The following TRIP12 variants were observed in gnomAD, a reference collection of about 807,000 sequenced individuals.
TRIP12 encodes the protein E3 ubiquitin-protein ligase TRIP12.
A neutral mutation model predicts 244.2 loss-of-function variants in TRIP12; 25 were observed. The ratio of observed to expected loss-of-function variants is 0.10; its 90% CI spans 0.07 to 0.14. The LOEUF (loss-of-function observed/expected upper bound fraction) is 0.14. TRIP12 is among the 10% of genes least tolerant of loss of function. The pLI is 1.00. For synonymous variants in TRIP12, 905 were observed against 873.1 expected, an observed-to-expected ratio of 1.04 and a Z score of -0.64; for missense variants, 1,677 against 2,486.4, an observed-to-expected ratio of 0.67 and a Z score of 6.92.
intron 1 of TRIP12, among the ~76,000 whole-genome samples, chr2:229,884,657 A>G (rs2065630304): frequency 6.6e-6 from 1 of 152,154 alleles, no homozygotes; most frequent in African/African-American, 2.4e-5. Flanking sequence ...CTTTCAGAAC[A>G]CTGAAAGAAA....
At chr2:229,876,982 C>T (rs954250540) in intron 2 of TRIP12, among the ~76,000 whole-genome samples, 1 of 152,058 alleles carries the variant, frequency 6.6e-6, no homozygotes, top group Admixed American at 6.5e-5. Flanking sequence ...AGTCATGAGC[C>T]ACCATGCTCG....
At chr2:229,840,678 G>C in intron 5 of TRIP12, 144 bp downstream of exon 5, 2 of 604,878 alleles carry the variant, frequency 3.3e-6, no homozygotes, top group Admixed American at 3.6e-5. Context: ...CTCCAGCCTG[G>C]GTGACAAGAG....
chr2:229,915,611 T>C (rs2075229004), intron 1 of TRIP12, among the ~76,000 whole-genome samples: 1 of 80,296 alleles, frequency 1.2e-5, no homozygotes, highest in Non-Finnish European at 2.5e-5. Context: ...TTGGGATTAG[T>C]GTCCTTATAA....
rs1396789746 is a variant in TRIP12 at position 229,778,790 on chromosome 2, T to G, written c.5209+86A>C. 1 of 1,408,280 alleles carries G rather than the reference T, an allele frequency of 7.1e-7. No individual in the cohort carries two copies. 87.2% of individuals were successfully genotyped at this position (1,408,280 alleles called of 1,614,324 possible). The stretch of plus-strand genomic sequence containing the variant: ...AAAGAAAGCAAGTACAGCTGTCCAT[T>G]AGAAATTAAATATGTCTAATAAACT... On this transcript the variant is annotated intron_variant, in intron 35 of 41. Coordinates refer to ENST00000675903, the MANE Select transcript of TRIP12 (RefSeq NM_001348323.3). This position sits in a 1 kb window ranked among gnomAD's most constrained non-coding sequence, Gnocchi z 4.1.
At chr2:229,875,469 T>C (rs1438662730) in intron 2 of TRIP12, among the ~76,000 whole-genome samples, 2 of 152,086 alleles carry the variant, frequency 1.3e-5, no homozygotes, top group African/African-American at 2.4e-5. Flanking sequence ...AAACTAAAGT[T>C]TATACCCTCT....
rs142197901 is a variant in TRIP12 at position 229,830,742 on chromosome 2, A to C, written c.1354+14T>G. On this transcript the variant is annotated intron_variant, in intron 7 of 41. Transcript: ENST00000675903. ...ATGGTAATGGTTTCTTATAGGCTCA[A>C]TAACTGTTTTTACCTTGCAAACGTC... 2,499 of 1,611,468 alleles carry C rather than the reference A, an allele frequency of 1.6e-3. 9 individuals carry two copies. The highest frequency in any genetic ancestry group is 0.012 in the Middle Eastern group (72 of 6,054).
chr2:229,770,397 A>G (rs138229521), intron 39 of TRIP12, among the ~76,000 whole-genome samples: 47 of 152,366 alleles, frequency 3.1e-4, no homozygotes, highest in African/African-American at 9.6e-4. Context: ...CCAGGTGACA[A>G]GCAGTGCCTA....
At chr2:229,866,790 CT>C (rs1455372971) in intron 2 of TRIP12, among the ~76,000 whole-genome samples, 1 of 152,146 alleles carries the variant, frequency 6.6e-6, no homozygotes, top group Non-Finnish European at 1.5e-5. Context: ...CCAACGAATA[CT>C]TTTAGCAGGA....
chr2:229,832,805 A>T (rs1410494019), intron 6 of TRIP12, among the ~76,000 whole-genome samples: 2 of 152,250 alleles, frequency 1.3e-5, no homozygotes, highest in East Asian at 3.8e-4. Flanking sequence ...ATTCAAATAC[A>T]GTTGCTTCTT....
chr2:229,792,361 C>T, intron 27 of TRIP12, 135 bp from the exon 28 acceptor site: 1 of 863,000 alleles, frequency 1.2e-6, no homozygotes, highest in Non-Finnish European at 1.8e-6. Flanking sequence ...AATGCTTGAG[C>T]CCAGAAGTGT....
intron 15 of TRIP12, among the ~76,000 whole-genome samples, chr2:229,810,295 T>G (rs929640502): frequency 2.0e-5 from 3 of 152,246 alleles, no homozygotes; most frequent in African/African-American, 7.2e-5. Context: ...GAGAGAGGAA[T>G]GGTCAACTGC....
At chr2:229,865,362 T>C (rs1427677657) in intron 2 of TRIP12, among the ~76,000 whole-genome samples, 1 of 143,204 alleles carries the variant, frequency 7.0e-6, no homozygotes, top group African/African-American at 2.6e-5. Context: ...GAAAGCAAAA[T>C]GCTGTCTCAA....
intron 8 of TRIP12, among the ~76,000 whole-genome samples, chr2:229,819,040 CCACACACA>C (rs370625320): frequency 0.022 from 2,964 of 134,016 alleles, 39 homozygotes; most frequent in East Asian, 0.06. Context: ...AAAATAAAAA[CCACACACA>C]CACACACACA....
At chr2:229,889,768 A>C (rs1472008798) in intron 1 of TRIP12, among the ~76,000 whole-genome samples, 5 of 152,134 alleles carry the variant, frequency 3.3e-5, no homozygotes, top group African/African-American at 4.8e-5. Context: ...TTTATTAGGG[A>C]CTCATTAGGT....
rs34496202 is a variant in TRIP12 at position 229,872,104 on chromosome 2, T to TAAAAAAAAAAAAAA, written c.98+7864_98+7877dup. On this transcript the variant is annotated intron_variant, in intron 2 of 41. Transcript: ENST00000675903. ...AATATAGTTTTAATGACAGATATTG[T>TAAAAAAAAAAAAAA]AAAAAAAAAAAAAAAAAAAAAAAAA... Among the ~76,000 whole-genome samples the TAAAAAAAAAAAAAA allele has an allele frequency of 4.8e-4, 51 of 105,274 alleles. 2 individuals are homozygous for TAAAAAAAAAAAAAA. The highest frequency in any genetic ancestry group is 1.5e-3 in the African/African-American group (43 of 28,836). The allele number at this position is 105,274 out of a possible 152,430, so 69.1% of individuals were successfully genotyped here.
intron 2 of TRIP12, among the ~76,000 whole-genome samples, chr2:229,861,403 T>C (rs1032453914): frequency 6.6e-5 from 10 of 152,188 alleles, no homozygotes; most frequent in African/African-American, 2.2e-4. Context: ...ACTGCTGCCA[T>C]TCGGGTGAGA....
rs201878374 is a variant in TRIP12, at chr2:229,879,998, C to A, written c.82G>T (p.Asp28Tyr). The A allele has an allele frequency of 2.5e-6, 4 of 1,614,038 alleles. No individual in the cohort carries two copies. The highest frequency in any genetic ancestry group is 3.4e-6 in the Non-Finnish European group (4 of 1,179,998). Residue 28 changes from aspartate to tyrosine, a missense_variant, in exon 2 of 42, where the codon GAC (aspartate) becomes TAC (tyrosine). By Grantham distance (160) the Asp-to-Tyr change is radical. This residue lies in a region of TRIP12 where 387 missense variants were observed against 392.6 expected (regional missense o/e 0.99). Coordinates refer to ENST00000675903, the MANE Select transcript of TRIP12 (RefSeq NM_001348323.3). ...AATACATACCTTCCTCCTATTGAGT[C>A]GTCTTGTGGTTGGGCCCCGGCAGTG... ...RNTAGAQPQD[D>Y]SIGGRSHLGQ...
intron 1 of TRIP12, among the ~76,000 whole-genome samples, chr2:229,884,362 G>C (rs1430635211): frequency 6.7e-6 from 1 of 149,368 alleles, no homozygotes; most frequent in African/African-American, 2.5e-5. Context: ...TTGGCCTCCA[G>C]AGTAGCTGGG....
At chr2:229,768,290 C>T (rs2032684841) in intron 41 of TRIP12, among the ~76,000 whole-genome samples, 2 of 152,086 alleles carry the variant, frequency 1.3e-5, no homozygotes, top group South Asian at 4.1e-4. Context: ...CAACAGAATA[C>T]CAATTTAACT....
Sources: gnomAD v4.1 joint callset for allele counts (sites outside exome capture counted in the v4.1 genomes callset) on GRCh38, gnomAD v4.1.1 for gene constraint, gnomAD v4.1.1 regional missense constraint, Gnocchi (gnomAD v3.1) non-coding constraint, MANE v1.5 for transcripts, NCBI Gene and HGNC (gene_info 2026-07-23, HGNC 2026-07-21) for gene names.